Variants in SNAPC1 observed in about 807,000 individuals in gnomAD.
The protein encoded by SNAPC1 is small nuclear RNA activating complex polypeptide 1.
In SNAPC1, 42 loss-of-function variants were observed where a neutral mutation model predicts 50.1. The ratio of observed to expected loss-of-function variants is 0.84; its 90% CI spans 0.65 to 1.08. SNAPC1 has a LOEUF of 1.08. Among genes scored for constraint, SNAPC1 ranks in the 50% least tolerant of loss-of-function variants. SNAPC1 has a pLI of 0.00. For synonymous variants in SNAPC1, 164 were observed against 144.2 expected, an observed-to-expected ratio of 1.14 and a Z score of -0.98; for missense variants, 477 against 427.3, an observed-to-expected ratio of 1.12 and a Z score of -1.02.
intron 4 of SNAPC1, among the ~76,000 whole-genome samples, chr14:61,772,890 T>C (rs910365516): frequency 2.6e-5 from 4 of 152,190 alleles, no homozygotes; most frequent in African/African-American, 9.7e-5. Context: ...CTTTTAGGAA[T>C]GGAATAGTCT....
intron 8 of SNAPC1, among the ~76,000 whole-genome samples, chr14:61,791,436 A>T (rs1035711655): frequency 1.3e-5 from 2 of 152,202 alleles, no homozygotes; most frequent in Non-Finnish European, 2.9e-5. Context: ...AAAGTCAAAT[A>T]TATTTTATGC....
At chr14:61,794,890 TTTTG>T (rs1180670016) in intron 9 of SNAPC1, 55 bp from the exon 10 acceptor site, 95 of 1,215,726 alleles carry the variant, frequency 7.8e-5, no homozygotes, top group Non-Finnish European at 1.1e-4. Flanking sequence ...CAGTTGTTTT[TTTTG>T]TTTGTTTTTT....
At chr14:61,788,960 C>T (rs972226689) in intron 8 of SNAPC1, among the ~76,000 whole-genome samples, 35 of 152,280 alleles carry the variant, frequency 2.3e-4, no homozygotes, top group African/African-American at 7.5e-4. Context: ...AGGCTGGGCA[C>T]GGTGGCTGAC....
At chr14:61,794,017 C>G (rs2045171128) in intron 9 of SNAPC1, among the ~76,000 whole-genome samples, 1 of 152,128 alleles carries the variant, frequency 6.6e-6, no homozygotes, top group Non-Finnish European at 1.5e-5. Flanking sequence ...CTATTACTTT[C>G]TTTGCTTTTA....
rs2045183523 is a variant in SNAPC1, at chr14:61,795,602, C to T, written c.*619C>T. On this transcript the variant is annotated 3_prime_UTR_variant, in exon 10 of 10. Transcript: ENST00000216294. The stretch of plus-strand genomic sequence containing the variant: ...TTACTAAATACTAATTAAGTACTAA[C>T]AAGTACTTAAATACTAATGTATTAA... 6.6e-6 allele frequency: 1 copy of T among 151,924 alleles called. No individual in the cohort carries two copies. Among genetic ancestry groups the T allele is most frequent in the Non-Finnish European group, 1.5e-5 (1 of 67,988 alleles). The allele number at this position is 151,924 out of a possible 1,614,324, so 9.4% of individuals were successfully genotyped here.
intron 1 of SNAPC1, among the ~76,000 whole-genome samples, chr14:61,764,442 CTTTTT>C (rs111526299): frequency 6.7e-6 from 1 of 148,686 alleles, no homozygotes; most frequent in South Asian, 2.1e-4. Flanking sequence ...AGGAGAGAGA[CTTTTT>C]TTTTTAAATG....
chr14:61,788,216 T>C (rs1030836852), intron 8 of SNAPC1, among the ~76,000 whole-genome samples: 1 of 152,188 alleles, frequency 6.6e-6, no homozygotes, highest in Admixed American at 6.5e-5. Context: ...TAAAATGTGA[T>C]CTGAATTCAG....
At chr14:61,777,638 T>A (rs2045044957) in intron 5 of SNAPC1, among the ~76,000 whole-genome samples, 2 of 150,954 alleles carry the variant, frequency 1.3e-5, no homozygotes, top group Admixed American at 6.6e-5. Context: ...AGAGATGGGG[T>A]CTTGCTATGT....
intron 8 of SNAPC1, among the ~76,000 whole-genome samples, chr14:61,782,914 CA>C (rs201280894): frequency 6.7e-6 from 1 of 148,538 alleles, no homozygotes; most frequent in Non-Finnish European, 1.5e-5. Context: ...AACAAACAAA[CA>C]AAAAAAGAAA....
At chr14:61,762,737 G>T in intron 1 of SNAPC1, 149 bp downstream of exon 1, 1 of 859,804 alleles carries the variant, frequency 1.2e-6, no homozygotes, top group East Asian at 2.6e-5. Flanking sequence ...CTTCCCCTGT[G>T]CTCAGGCAAC....
In SNAPC1 at chr14:61,792,900, C is replaced by T. The variant is rs1350251476; in HGVS notation, c.1070C>T (p.Thr357Ile). Residue 357 changes from threonine to isoleucine, a missense_variant and splice_region_variant, in exon 9 of 10, where the codon ACA becomes ATA. Thr to Ile is a moderately conservative substitution (Grantham distance 89). Transcript: ENST00000216294. ...GAAGAGAATGAAAGTTTGAGTGGAA[C>T]AGGTACAGATAAAATTTGGTCAAAC... ...EEEENESLSG[T>I]EFTASKKRRK... 5 of 1,573,418 alleles carry T rather than the reference C, an allele frequency of 3.2e-6. No individual in the cohort carries two copies. The highest frequency in any genetic ancestry group is 1.4e-5 in the African/African-American group (1 of 73,488).
At chr14:61,768,287 A>C (rs191160122) in intron 3 of SNAPC1, among the ~76,000 whole-genome samples, 20 of 152,272 alleles carry the variant, frequency 1.3e-4, no homozygotes, top group African/African-American at 4.8e-4. Context: ...AAATTGTTAA[A>C]AATTCTTTGG....
intron 1 of SNAPC1, among the ~76,000 whole-genome samples, chr14:61,763,143 C>T (rs2140172269): frequency 6.6e-6 from 1 of 151,844 alleles, no homozygotes; most frequent in African/African-American, 2.4e-5. Flanking sequence ...AGGTGCCCGG[C>T]ACCACGCCCG....
At chr14:61,771,292 C>G (rs530778537) in intron 4 of SNAPC1, among the ~76,000 whole-genome samples, 1 of 151,852 alleles carries the variant, frequency 6.6e-6, no homozygotes, top group East Asian at 1.9e-4. Flanking sequence ...GGGTTTTTAT[C>G]CGTGATTTAA....
intron 8 of SNAPC1, among the ~76,000 whole-genome samples, chr14:61,789,230 CA>C (rs57065160): frequency 0.24 from 25,602 of 104,564 alleles, 1,975 homozygotes; most frequent in African/African-American, 0.3. Flanking sequence ...GACTCCATCT[CA>C]AAAAAAAAAA....
chr14:61,765,526 G>C (rs1438493118), intron 1 of SNAPC1, among the ~76,000 whole-genome samples: 1 of 152,186 alleles, frequency 6.6e-6, no homozygotes, highest in Non-Finnish European at 1.5e-5. Flanking sequence ...GAAGTGGGGA[G>C]GGAGCTTTCA....
In SNAPC1 at chr14:61,772,717, A is replaced by G. The variant is rs531212528; in HGVS notation, c.535-3378A>G. On this transcript the variant is annotated intron_variant, in intron 4 of 9. Coordinates refer to ENST00000216294, the MANE Select transcript of SNAPC1 (RefSeq NM_003082.4). ...TTTTAATTTTTCTGACTGTTGACCA[A>G]TTTGGTGGTAGAATGTAAATATTTT... 9.8e-4 allele frequency among the ~76,000 whole-genome samples: 149 copies of G among 152,292 alleles called. 4 individuals carry two copies. In the South Asian group the frequency reaches 0.027, roughly 28 times the overall value.
chr14:61,778,207 G>A, intron 6 of SNAPC1, 67 bp downstream of exon 6: 1 of 921,810 alleles, frequency 1.1e-6, no homozygotes, highest in Non-Finnish European at 1.7e-6. Flanking sequence ...TGTGACCCAT[G>A]GTCAGTATTA....
rs979202044 is a variant in SNAPC1, at chr14:61,777,616, T to A, written c.694-456T>A. On this transcript the variant is annotated intron_variant, in intron 5 of 9. Transcript: ENST00000216294. ...ATAGAACCAGTTTAGTTTTAATTTT[T>A]TTTTTTTTTTTAGAGATGGGGTCTT... is the stretch of plus-strand genomic sequence containing the variant. Among the ~76,000 whole-genome samples, 50 of 152,080 alleles carry A rather than the reference T, an allele frequency of 3.3e-4. No individual in the cohort carries two copies. In the South Asian group the frequency reaches 7.9e-3, roughly 24 times the overall value.
Sources: allele counts gnomAD v4.1 joint callset (sites outside exome capture counted in the v4.1 genomes callset), GRCh38; gene constraint gnomAD v4.1.1; transcripts MANE v1.5; gene names NCBI Gene and HGNC (gene_info 2026-07-23, HGNC 2026-07-21).